NEK1: variants seen among roughly 807,000 people sequenced by gnomAD.
The protein encoded by NEK1 is serine/threonine-protein kinase Nek1.
In NEK1, 137 loss-of-function variants were observed where a neutral mutation model predicts 182.1. The observed-to-expected ratio is 0.75, with a 90% confidence interval of 0.65 to 0.87. The LOEUF (loss-of-function observed/expected upper bound fraction) is 0.87, where lower values mean the gene tolerates loss of function less well. NEK1 is among the 40% of genes least tolerant of loss of function. The probability of loss-of-function intolerance (pLI) is 0.00; values close to 1 mark genes in which losing one functional copy is unlikely to be tolerated. For synonymous variants in NEK1, 513 were observed against 492.2 expected, an observed-to-expected ratio of 1.04 and a Z score of -0.56; for missense variants, 1,391 against 1,494.4, an observed-to-expected ratio of 0.93 and a Z score of 1.14.
At chr4:169,583,850 C>A (rs2150065069) in intron 10 of NEK1, among the ~76,000 whole-genome samples, 1 of 152,326 alleles carries the variant, frequency 6.6e-6, no homozygotes, top group South Asian at 2.1e-4. Flanking sequence ...ATTTGGCTTT[C>A]TTGCATACTA....
At chr4:169,433,769 T>C in intron 28 of NEK1, 104 bp from the exon 29 acceptor site, 1 of 1,158,346 alleles carries the variant, frequency 8.6e-7, no homozygotes, top group Non-Finnish European at 1.2e-6. Flanking sequence ...TAGGGTAATA[T>C]ATTCATTAAA....
At chr4:169,399,554 G>A (rs995282739) in intron 35 of NEK1, among the ~76,000 whole-genome samples, 10 of 147,360 alleles carry the variant, frequency 6.8e-5, no homozygotes, top group African/African-American at 2.5e-4. Context: ...TCCAGCCTGG[G>A]CAATAAGACT....
At chr4:169,608,116 T>TAC (rs57287742) in intron 2 of NEK1, among the ~76,000 whole-genome samples, 89,442 of 147,952 alleles carry the variant, frequency 0.6, 27,521 homozygotes, top group East Asian at 0.89. Context: ...CACACACACA[T>TAC]ACACACACAC....
chr4:169,530,338 G>A (rs998460466), intron 19 of NEK1, among the ~76,000 whole-genome samples: 5 of 152,112 alleles, frequency 3.3e-5, no homozygotes, highest in African/African-American at 7.2e-5. Context: ...ACTTTACAAT[G>A]GTGTGAAAGT....
At chr4:169,569,501 C>G in intron 12 of NEK1, among the ~76,000 whole-genome samples, 1 of 143,864 alleles carries the variant, frequency 7.0e-6, no homozygotes, top group South Asian at 2.4e-4. Context: ...TCCCCATGGT[C>G]TCCCTCTCCC....
At chr4:169,505,436 AAC>A (rs1266146311) in intron 23 of NEK1, among the ~76,000 whole-genome samples, 2 of 152,240 alleles carry the variant, frequency 1.3e-5, no homozygotes, top group African/African-American at 4.8e-5. Context: ...TTTTCTTAAT[AAC>A]ATTTTTCCTT....
chr4:169,532,740 G>C (rs1212305145), intron 19 of NEK1, among the ~76,000 whole-genome samples: 3 of 151,372 alleles, frequency 2.0e-5, no homozygotes, highest in Non-Finnish European at 4.4e-5. Flanking sequence ...AGGAGATTGA[G>C]ACCAGCCTGG....
intron 27 of NEK1, among the ~76,000 whole-genome samples, chr4:169,447,802 G>A (rs1033356060): frequency 8.5e-5 from 13 of 152,276 alleles, no homozygotes; most frequent in African/African-American, 2.9e-4. Flanking sequence ...CCGGGAGGTG[G>A]AGGCTGCAGT....
At chr4:169,504,009 G>A (rs1310692630) in intron 23 of NEK1, among the ~76,000 whole-genome samples, 1 of 151,886 alleles carries the variant, frequency 6.6e-6, no homozygotes, top group Admixed American at 6.6e-5. Flanking sequence ...GAATATATAA[G>A]GACCTCAAAC....
At chr4:169,471,602 T>A (rs1337465286) in intron 26 of NEK1, among the ~76,000 whole-genome samples, 4 of 151,854 alleles carry the variant, frequency 2.6e-5, no homozygotes, top group African/African-American at 9.7e-5. Context: ...GGCACGGGGG[T>A]CAAGAATCCA....
At chr4:169,548,635 G>A (rs1175834010) in intron 18 of NEK1, among the ~76,000 whole-genome samples, 1 of 152,252 alleles carries the variant, frequency 6.6e-6, no homozygotes, top group Admixed American at 6.5e-5. Context: ...CCTGACTGGG[G>A]CTACTGCCTT....
chr4:169,550,655 G>C (rs112395688), intron 18 of NEK1, among the ~76,000 whole-genome samples: 183 of 152,168 alleles, frequency 1.2e-3, no homozygotes, highest in African/African-American at 4.1e-3. Flanking sequence ...CATGAATACT[G>C]AACAGAACCA....
intron 23 of NEK1, among the ~76,000 whole-genome samples, chr4:169,488,729 A>C (rs1749505530): frequency 6.6e-6 from 1 of 152,182 alleles, no homozygotes; most frequent in South Asian, 2.1e-4. Flanking sequence ...TTCAATTCTG[A>C]ATTCCATGTT....
At chr4:169,524,531 T>C (rs1756602361) in intron 19 of NEK1, among the ~76,000 whole-genome samples, 1 of 151,414 alleles carries the variant, frequency 6.6e-6, no homozygotes, top group South Asian at 2.1e-4. Context: ...AAAATTTTTA[T>C]AATACTCAAA....
At chr4:169,562,809 T>C (rs57526222) in intron 12 of NEK1, among the ~76,000 whole-genome samples, 18,536 of 152,158 alleles carry the variant, frequency 0.12, 1,256 homozygotes, top group East Asian at 0.17. Flanking sequence ...GTTACATGGA[T>C]GAAATGCATA....
At chr4:169,600,164 A>C (rs747122148) in intron 4 of NEK1, among the ~76,000 whole-genome samples, 2 of 152,060 alleles carry the variant, frequency 1.3e-5, no homozygotes, top group African/African-American at 4.8e-5. Context: ...CCTAGTTCTC[A>C]CTTCTTTCAC....
At position 169,599,241 on chromosome 4, in the gene NEK1, CA is replaced by C. The variant is rs766588398; in HGVS notation, c.215-45del. ...ACAGTCCACTTTTAAAAACGTACAT[CA>C]AAAGCATGGCTAAATTAAAAGTACT... On this transcript the variant is annotated intron_variant, in intron 4 of 35. Transcript: ENST00000507142. 17 of 1,384,358 alleles carry C rather than the reference CA, an allele frequency of 1.2e-5. No homozygotes were observed. In the South Asian group the frequency reaches 2.1e-4, roughly 17 times the overall value. 85.8% of individuals were successfully genotyped at this position (1,384,358 alleles called of 1,614,324 possible). A position where few individuals can be genotyped will look rare whatever the true frequency, so the allele number is the denominator to read the frequency against.
intron 27 of NEK1, among the ~76,000 whole-genome samples, chr4:169,445,849 C>CATAT (rs70964204): frequency 0.048 from 6,751 of 140,114 alleles, 312 homozygotes; most frequent in African/African-American, 0.1. Flanking sequence ...CAACTATATA[C>CATAT]ATATATATAT....
chr4:169,409,502 C>T (rs1171406351), intron 31 of NEK1, among the ~76,000 whole-genome samples: 2 of 151,914 alleles, frequency 1.3e-5, no homozygotes, highest in South Asian at 2.1e-4. Flanking sequence ...CAGTGGCTCA[C>T]TCACACCTGC....
Sources: allele counts gnomAD v4.1 joint callset (sites outside exome capture counted in the v4.1 genomes callset), GRCh38; gene constraint gnomAD v4.1.1; transcripts MANE v1.5; gene names NCBI Gene and HGNC (gene_info 2026-07-23, HGNC 2026-07-21).